The following EPHA6 variants were observed in gnomAD, a reference collection of about 807,000 sequenced individuals.
EPHA6 encodes EPH receptor A6.
Under a neutral mutation model 112.0 loss-of-function variants are expected in EPHA6, and 50 were observed. The observed-to-expected ratio is 0.45, with a 90% CI of 0.36 to 0.56. EPHA6 has a LOEUF of 0.56. Among genes scored for constraint, EPHA6 ranks in the 20% least tolerant of loss-of-function variants. The pLI, the probability that EPHA6 is intolerant of heterozygous loss-of-function variation, is 0.00. For missense variants in EPHA6, 1,280 were observed against 1,417.4 expected (o/e 0.90, Z 1.56); for synonymous variants, 529 against 490.7 (o/e 1.08, Z -1.03).
chr3:97,093,285 A>G (rs905105544), intron 3 of EPHA6, among the ~76,000 whole-genome samples: 2 of 152,138 alleles, frequency 1.3e-5, no homozygotes, highest in Non-Finnish European at 2.9e-5. Context: ...GTAGTGGCTC[A>G]CTCCTGTAAT....
At chr3:97,546,711 G>A (rs536498055) in intron 11 of EPHA6, among the ~76,000 whole-genome samples, 6 of 152,294 alleles carry the variant, frequency 3.9e-5, no homozygotes, top group South Asian at 4.1e-4. Context: ...CCAATCAGAC[G>A]TAGATTTCGT....
intron 2 of EPHA6, among the ~76,000 whole-genome samples, chr3:96,914,869 G>T (rs971822069): frequency 6.6e-6 from 1 of 151,480 alleles, no homozygotes; most frequent in Admixed American, 6.6e-5. Context: ...AAAACTGTGA[G>T]GTAATAAAAT....
intron 11 of EPHA6, among the ~76,000 whole-genome samples, chr3:97,549,836 A>AAATAT (rs901422450): frequency 2.6e-5 from 4 of 151,722 alleles, no homozygotes; most frequent in South Asian, 2.1e-4. Context: ...AAATAAAATA[A>AAATAT]AATAAATAAA....
intron 17 of EPHA6, 72 bp from the exon 18 acceptor site, chr3:97,748,515 G>A: frequency 1.4e-6 from 1 of 723,358 alleles, no homozygotes; most frequent in Non-Finnish European, 2.4e-6. Flanking sequence ...TTCATATTCT[G>A]TATCTCTCTC....
intron 11 of EPHA6, among the ~76,000 whole-genome samples, chr3:97,551,776 A>T (rs536461603): frequency 3.4e-4 from 51 of 152,222 alleles, no homozygotes; most frequent in African/African-American, 1.2e-3. Context: ...TGATTTAATG[A>T]TTTATTTAAT....
intron 3 of EPHA6, among the ~76,000 whole-genome samples, chr3:97,009,749 G>A (rs1249644822): frequency 2.0e-5 from 3 of 152,184 alleles, no homozygotes; most frequent in African/African-American, 4.8e-5. Flanking sequence ...GGGATCTTTC[G>A]ATCCATGGGT....
chr3:97,219,585 G>A (rs1191271554), intron 3 of EPHA6, among the ~76,000 whole-genome samples: 4 of 152,130 alleles, frequency 2.6e-5, no homozygotes, highest in African/African-American at 9.7e-5. Context: ...GGGGTGCAGG[G>A]TGCCATGTCA....
intron 2 of EPHA6, among the ~76,000 whole-genome samples, chr3:96,986,155 A>G (rs570807682): frequency 6.6e-6 from 1 of 152,340 alleles, no homozygotes; most frequent in East Asian, 1.9e-4. Flanking sequence ...CTAAATTTAC[A>G]GTATAGAAGT....
chr3:96,942,692 G>C (rs925751924), intron 2 of EPHA6, among the ~76,000 whole-genome samples: 1 of 152,152 alleles, frequency 6.6e-6, no homozygotes, highest in African/African-American at 2.4e-5. Flanking sequence ...AGAAATCACC[G>C]GTCTTCTGCT....
chr3:97,559,522 G>C (rs2093159772), intron 11 of EPHA6: 3 of 409,050 alleles, frequency 7.3e-6, no homozygotes, highest in Admixed American at 5.9e-5. Flanking sequence ...AGAAATCAGA[G>C]TGACTGAGTG....
At chr3:97,656,542 T>C (rs936415176) in intron 14 of EPHA6, among the ~76,000 whole-genome samples, 2 of 151,956 alleles carry the variant, frequency 1.3e-5, no homozygotes, top group Non-Finnish European at 2.9e-5. Context: ...TTAAATATTA[T>C]AAAAATGTAT....
chr3:97,556,142 C>A (rs1406347031), intron 11 of EPHA6, among the ~76,000 whole-genome samples: 1 of 152,044 alleles, frequency 6.6e-6, no homozygotes, highest in African/African-American at 2.4e-5. Context: ...CCTGCTTACA[C>A]CCTGCTTCAC....
intron 10 of EPHA6, among the ~76,000 whole-genome samples, chr3:97,506,780 T>A (rs1025515159): frequency 2.0e-5 from 3 of 152,242 alleles, no homozygotes; most frequent in Admixed American, 6.5e-5. Context: ...ATTTTCACGA[T>A]ATTGATTCTT....
At chr3:97,684,131 T>A (rs1358783492) in intron 14 of EPHA6, among the ~76,000 whole-genome samples, 2 of 152,216 alleles carry the variant, frequency 1.3e-5, no homozygotes, top group African/African-American at 4.8e-5. Context: ...AAATATATGT[T>A]CACTGAGAAT....
rs1288901457 is a variant in EPHA6, at chr3:97,756,253, C to T, written c.*7552C>T. Among the ~76,000 whole-genome samples the T allele has an allele frequency of 1.3e-5, 2 of 151,810 alleles. No individual in the cohort carries two copies. The highest frequency in any genetic ancestry group is 2.9e-5 in the Non-Finnish European group (2 of 67,824). ...GAATAAGTCTGCTCAAAATTGTAGCCTTTAGAAGCTCTATAACAAAAATCA... is the reference window on the plus strand; with the variant it reads ...GAATAAGTCTGCTCAAAATTGTAGCTTTTAGAAGCTCTATAACAAAAATCA... On this transcript the variant is annotated 3_prime_UTR_variant, in exon 18 of 18. Transcript: ENST00000389672.
chr3:97,201,296 A>C (rs1182308946), intron 3 of EPHA6, among the ~76,000 whole-genome samples: 1 of 152,132 alleles, frequency 6.6e-6, no homozygotes, highest in East Asian at 1.9e-4. Context: ...CATCTATAAA[A>C]ATGGCAATCC....
At chr3:97,196,889 C>G (rs561016134) in intron 3 of EPHA6, among the ~76,000 whole-genome samples, 5 of 151,982 alleles carry the variant, frequency 3.3e-5, no homozygotes, top group Admixed American at 6.6e-5. Context: ...ACACAAGCAC[C>G]TCTGTAGCCT....
chr3:97,197,653 C>A (rs1281812859), intron 3 of EPHA6, among the ~76,000 whole-genome samples: 1 of 151,922 alleles, frequency 6.6e-6, no homozygotes, highest in Non-Finnish European at 1.5e-5. Context: ...ATGGGTGACA[C>A]AAATACTTTC....
chr3:96,846,922 T>C (rs2035106581), intron 1 of EPHA6, among the ~76,000 whole-genome samples: 1 of 152,084 alleles, frequency 6.6e-6, no homozygotes, highest in East Asian at 1.9e-4. Flanking sequence ...GTTTGGTTGT[T>C]TGACTTTTAG....
Sources: allele counts gnomAD v4.1 joint callset (sites outside exome capture counted in the v4.1 genomes callset), GRCh38; gene constraint gnomAD v4.1.1; transcripts MANE v1.5; gene names NCBI Gene and HGNC (gene_info 2026-07-23, HGNC 2026-07-21).